MAP4K4: variants seen among roughly 807,000 people sequenced by gnomAD.
MAP4K4 encodes HPK/GCK-like kinase HGK.
Under a neutral mutation model 189.6 loss-of-function variants are expected in MAP4K4, and 38 were observed. The ratio of observed to expected loss-of-function variants is 0.20; its 90% CI spans 0.15 to 0.26. MAP4K4 has a LOEUF of 0.26. MAP4K4 is among the 10% of genes least tolerant of loss of function. The pLI is 1.00. For synonymous variants in MAP4K4, 610 were observed against 624.3 expected, an observed-to-expected ratio of 0.98 and a Z score of 0.34; for missense variants, 1,054 against 1,726.9, an observed-to-expected ratio of 0.61 and a Z score of 6.91.
intron 2 of MAP4K4, among the ~76,000 whole-genome samples, chr2:101,752,869 C>T (rs1042829642): frequency 5.3e-5 from 8 of 152,174 alleles, no homozygotes; most frequent in Admixed American, 2.0e-4. Context: ...GTGTCAGGCT[C>T]AGGAGACCTG....
intron 28 of MAP4K4, 27 bp from the exon 29 acceptor site, chr2:101,885,160 C>A: frequency 7.2e-7 from 1 of 1,385,078 alleles, no homozygotes; most frequent in East Asian, 2.4e-5. Context: ...CTGTGCTTCT[C>A]TTGCTTTTTT....
intron 27 of MAP4K4, among the ~76,000 whole-genome samples, chr2:101,878,274 G>T (rs1293067611): frequency 6.6e-6 from 1 of 152,144 alleles, no homozygotes; most frequent in African/African-American, 2.4e-5. Flanking sequence ...TCAAACATAG[G>T]ATAATGGCAC....
chr2:101,841,365 G>C (rs1196678448), intron 10 of MAP4K4, among the ~76,000 whole-genome samples: 1 of 152,146 alleles, frequency 6.6e-6, no homozygotes, highest in African/African-American at 2.4e-5. Flanking sequence ...AAATAGCTTT[G>C]ATGGTCTAGC....
chr2:101,880,764 C>G (rs1189120497), intron 27 of MAP4K4, among the ~76,000 whole-genome samples: 1 of 152,190 alleles, frequency 6.6e-6, no homozygotes, highest in Non-Finnish European at 1.5e-5. Context: ...ATCTCTGCCC[C>G]ATAAAGTACT....
chr2:101,748,384 A>G (rs902905051), intron 2 of MAP4K4, among the ~76,000 whole-genome samples: 13 of 152,218 alleles, frequency 8.5e-5, no homozygotes, highest in African/African-American at 3.1e-4. Flanking sequence ...AACAGCTTCT[A>G]CTGTTCTGCT....
chr2:101,849,080 G>C (rs2097198416), intron 12 of MAP4K4, among the ~76,000 whole-genome samples: 1 of 152,130 alleles, frequency 6.6e-6, no homozygotes, highest in African/African-American at 2.4e-5. Context: ...TACTCTAAGT[G>C]AATTACCCAG....
intron 2 of MAP4K4, among the ~76,000 whole-genome samples, chr2:101,754,344 T>A (rs938085562): frequency 1.6e-4 from 1 of 6,228 alleles, no homozygotes. Flanking sequence ...TTTTGCTGTT[T>A]TTTTTTTTTT....
intron 5 of MAP4K4, among the ~76,000 whole-genome samples, chr2:101,826,708 A>G (rs2096375237): frequency 6.6e-6 from 1 of 152,172 alleles, no homozygotes; most frequent in Non-Finnish European, 1.5e-5. Flanking sequence ...CTGCTTACCT[A>G]TATAGCACAC....
intron 9 of MAP4K4, among the ~76,000 whole-genome samples, chr2:101,837,783 C>CT (rs1553521094): frequency 6.6e-6 from 1 of 152,182 alleles, no homozygotes; most frequent in Non-Finnish European, 1.5e-5. Flanking sequence ...ACCTCATACT[C>CT]TGATTTTTCT....
At chr2:101,796,326 T>C (rs1290533000) in intron 3 of MAP4K4, among the ~76,000 whole-genome samples, 1 of 152,192 alleles carries the variant, frequency 6.6e-6, no homozygotes, top group Non-Finnish European at 1.5e-5. Context: ...AACTCAGGAC[T>C]GGAGCCCTCC....
At chr2:101,756,086 A>G (rs902719230) in intron 2 of MAP4K4, among the ~76,000 whole-genome samples, 4 of 151,698 alleles carry the variant, frequency 2.6e-5, no homozygotes, top group African/African-American at 4.8e-5. Context: ...GACTGCAGGC[A>G]ACCGCCACCA....
chr2:101,751,342 A>G (rs2068834398), intron 2 of MAP4K4, among the ~76,000 whole-genome samples: 2 of 152,308 alleles, frequency 1.3e-5, no homozygotes, highest in East Asian at 3.9e-4. Flanking sequence ...ACTTTTATAC[A>G]ACAGAGAGGC....
chr2:101,770,240 A>ATTTTTT (rs34574782), intron 2 of MAP4K4, among the ~76,000 whole-genome samples: 51 of 75,174 alleles, frequency 6.8e-4, no homozygotes, highest in Non-Finnish European at 9.8e-4. Flanking sequence ...GTTCATTCTG[A>ATTTTTT]TTTTTTTTTT....
At position 101,740,890 on chromosome 2, in the gene MAP4K4, A is replaced by G. The variant is rs553157840; in HGVS notation, c.123+42352A>G. Among the ~76,000 whole-genome samples, 3 of 152,316 alleles carry G rather than the reference A, an allele frequency of 2.0e-5. No homozygotes were observed. In the East Asian group the frequency reaches 5.8e-4, roughly 29 times the overall value. On this transcript the variant is annotated intron_variant, in intron 2 of 32. Transcript: ENST00000324219. ...CTTTTCTGTAGCTAACAATAGTAAC[A>G]GTGATTACAGTCAGCATTTGAATGT...
At chr2:101,738,550 T>A (rs891484871) in intron 2 of MAP4K4, among the ~76,000 whole-genome samples, 5 of 152,206 alleles carry the variant, frequency 3.3e-5, no homozygotes, top group Admixed American at 2.0e-4. Context: ...AATCGACTTG[T>A]AGAGTGAAAG....
rs1298425197 is a variant in MAP4K4 at position 101,871,519 on chromosome 2, G to A, written c.2786G>A (p.Ser929Asn). Residue 929 changes from serine to asparagine, a missense_variant, in exon 24 of 33, where the codon AGC becomes AAC. Transcript: ENST00000324219. ...AGTACAGTTGACCAAAAGCGTGCCAGCCATCATGAGAGCAATGGCTTTGCC... is the reference window on the plus strand; with the variant it reads ...AGTACAGTTGACCAAAAGCGTGCCAACCATCATGAGAGCAATGGCTTTGCC... 1.5e-5 allele frequency: 23 copies of A among 1,535,694 alleles called. No homozygotes were observed. Among genetic ancestry groups the A allele is most frequent in the Non-Finnish European group, 1.9e-5 (22 of 1,146,696 alleles).
intron 2 of MAP4K4, among the ~76,000 whole-genome samples, chr2:101,744,387 T>C (rs1169362377): frequency 6.6e-6 from 1 of 152,222 alleles, no homozygotes; most frequent in Non-Finnish European, 1.5e-5. Context: ...GACCCATCAT[T>C]GTCCAAGTGC....
intron 2 of MAP4K4, among the ~76,000 whole-genome samples, chr2:101,746,904 A>C (rs986160162): frequency 3.9e-5 from 6 of 152,068 alleles, no homozygotes; most frequent in African/African-American, 1.2e-4. Flanking sequence ...TAGAATATTG[A>C]GGAACCCAAG....
intron 2 of MAP4K4, among the ~76,000 whole-genome samples, chr2:101,708,529 A>G (rs1422446525): frequency 6.6e-6 from 1 of 152,232 alleles, no homozygotes; most frequent in African/African-American, 2.4e-5. Context: ...GGTACGTATT[A>G]ATTACCATGC....
Sources: gnomAD v4.1 joint callset for allele counts (sites outside exome capture counted in the v4.1 genomes callset) on GRCh38, gnomAD v4.1.1 for gene constraint, MANE v1.5 for transcripts, NCBI Gene and HGNC (gene_info 2026-07-23, HGNC 2026-07-21) for gene names.